The following TCF12 variants were observed in gnomAD, a reference collection of about 807,000 sequenced individuals.
The protein encoded by TCF12 is DNA-binding protein HTF4.
A neutral mutation model predicts 86.0 loss-of-function variants in TCF12; 45 were observed. The ratio of observed to expected loss-of-function variants is 0.52; its 90% CI spans 0.41 to 0.67. The LOEUF (loss-of-function observed/expected upper bound fraction) is 0.67. Ranked by LOEUF, TCF12 falls within the 30% of genes least tolerant of loss-of-function variation. The probability of loss-of-function intolerance (pLI) is 0.00; values close to 1 mark genes in which losing one functional copy is unlikely to be tolerated. For missense variants in TCF12, 881 were observed against 859.9 expected, an observed-to-expected ratio of 1.02 and a Z score of -0.31; for synonymous variants, 330 against 299.6, an observed-to-expected ratio of 1.10 and a Z score of -1.05.
chr15:57,023,377 A>C (rs1238239081), intron 3 of TCF12, among the ~76,000 whole-genome samples: 1 of 151,808 alleles, frequency 6.6e-6, no homozygotes, highest in East Asian at 1.9e-4. Context: ...GGACATTGAA[A>C]CTCTCTTTAC....
chr15:57,247,318 T>A lies in TCF12; in HGVS notation c.1114+3768T>A, dbSNP rs1230617993. Reference sequence around the variant, plus strand: ...CACCACCTTCACCACCATAGCCTCCTCTTCCATCAGAGTTTCCACCACAGC... The same window carrying A: ...CACCACCTTCACCACCATAGCCTCCACTTCCATCAGAGTTTCCACCACAGC... On this transcript the variant is annotated intron_variant, in intron 13 of 20. Coordinates refer to ENST00000333725, the MANE Select transcript of TCF12 (RefSeq NM_207037.2). 5.3e-5 allele frequency: 35 copies of A among 656,284 alleles called. No homozygotes were observed. The African/African-American group carries it at 5.3e-4, about 10-fold the overall frequency. 40.7% of individuals were successfully genotyped at this position (656,284 alleles called of 1,614,324 possible). A position where few individuals can be genotyped will look rare whatever the true frequency, so the allele number is the denominator to read the frequency against.
At chr15:56,921,636 T>C (rs1811357622) in intron 3 of TCF12, among the ~76,000 whole-genome samples, 3 of 152,020 alleles carry the variant, frequency 2.0e-5, no homozygotes, top group Admixed American at 2.0e-4. Context: ...TTATTTAATT[T>C]AAATTTATTT....
At chr15:56,971,041 C>T (rs1255375034) in intron 3 of TCF12, among the ~76,000 whole-genome samples, 1 of 152,118 alleles carries the variant, frequency 6.6e-6, no homozygotes, top group African/African-American at 2.4e-5. Context: ...GAGTTAGACC[C>T]TGTCTCAAAA....
At chr15:56,971,580 T>C (rs913497269) in intron 3 of TCF12, among the ~76,000 whole-genome samples, 15 of 152,046 alleles carry the variant, frequency 9.9e-5, no homozygotes, top group African/African-American at 3.4e-4. Flanking sequence ...ATGCAGTTAG[T>C]TGGGGGGCTT....
intron 3 of TCF12, among the ~76,000 whole-genome samples, chr15:56,976,916 G>A (rs545573441): frequency 1.1e-4 from 16 of 151,536 alleles, no homozygotes; most frequent in Non-Finnish European, 2.2e-4. Context: ...AAATGTGAGG[G>A]GACATATTTT....
At chr15:57,086,461 G>A (rs913827715) in intron 4 of TCF12, among the ~76,000 whole-genome samples, 1 of 151,384 alleles carries the variant, frequency 6.6e-6, no homozygotes, top group Non-Finnish European at 1.5e-5. Context: ...CTGCCAGTCT[G>A]GCTCCAAAAA....
At chr15:56,961,781 G>T (rs568284883) in intron 3 of TCF12, among the ~76,000 whole-genome samples, 1 of 152,232 alleles carries the variant, frequency 6.6e-6, no homozygotes, top group South Asian at 2.1e-4. Flanking sequence ...TTAGTTTGTT[G>T]TATAAATGTT....
chr15:57,188,621 G>T (rs898059971), intron 6 of TCF12, among the ~76,000 whole-genome samples: 47 of 152,130 alleles, frequency 3.1e-4, no homozygotes, highest in Admixed American at 2.6e-4. Context: ...AGAATTTGGA[G>T]TCCAGAAGTA....
At chr15:56,955,934 T>C (rs2061489290) in intron 3 of TCF12, among the ~76,000 whole-genome samples, 1 of 152,200 alleles carries the variant, frequency 6.6e-6, no homozygotes, top group South Asian at 2.1e-4. Flanking sequence ...CATTAATGCT[T>C]AGTAGTATTA....
intron 4 of TCF12, among the ~76,000 whole-genome samples, chr15:57,084,111 C>G (rs1464879024): frequency 6.6e-6 from 1 of 151,840 alleles, no homozygotes; most frequent in East Asian, 1.9e-4. Flanking sequence ...TTATATTGTA[C>G]CTTATGTTTG....
intron 12 of TCF12, among the ~76,000 whole-genome samples, chr15:57,235,797 T>G (rs1438236543): frequency 6.6e-6 from 1 of 152,094 alleles, no homozygotes; most frequent in Admixed American, 6.6e-5. Flanking sequence ...TTCTCAAAGG[T>G]CATTTGTTTG....
chr15:56,935,011 A>G (rs1317633119), intron 3 of TCF12, among the ~76,000 whole-genome samples: 1 of 152,182 alleles, frequency 6.6e-6, no homozygotes, highest in Admixed American at 6.5e-5. Context: ...CTTAAATTGC[A>G]ACGATGAGAA....
intron 20 of TCF12, among the ~76,000 whole-genome samples, chr15:57,283,119 C>G (rs1415796981): frequency 6.6e-6 from 1 of 152,180 alleles, no homozygotes; most frequent in Non-Finnish European, 1.5e-5. Flanking sequence ...AGTTAACACC[C>G]TCTAGAATCT....
intron 3 of TCF12, among the ~76,000 whole-genome samples, chr15:56,947,683 C>G (rs2061071143): frequency 6.6e-6 from 1 of 152,158 alleles, no homozygotes; most frequent in African/African-American, 2.4e-5. Flanking sequence ...GTCCCAATTA[C>G]TGCATCATGG....
intron 6 of TCF12, among the ~76,000 whole-genome samples, chr15:57,171,028 A>G (rs974831160): frequency 1.3e-5 from 2 of 150,400 alleles, no homozygotes; most frequent in Non-Finnish European, 2.9e-5. Flanking sequence ...TCCTCTGTGT[A>G]TGCCAACTCC....
intron 3 of TCF12, among the ~76,000 whole-genome samples, chr15:56,927,299 A>G (rs887260168): frequency 1.3e-5 from 2 of 152,258 alleles, no homozygotes; most frequent in Admixed American, 6.5e-5. Context: ...AAGTTAATAC[A>G]TAGTCATAAT....
chr15:57,232,339 G>C lies in TCF12; in HGVS notation c.734G>C (p.Ser245Thr). Residue 245 changes from serine to threonine, a missense_variant, in exon 10 of 21, where the codon AGC (serine) becomes ACC (threonine). By Grantham distance (58) the Ser-to-Thr change is moderately conservative (BLOSUM62 1). This residue lies in a region of TCF12 where 766 missense variants were observed against 718.9 expected (regional missense o/e 1.07). Coordinates refer to ENST00000333725, the MANE Select transcript of TCF12 (RefSeq NM_207037.2). Reference sequence around the variant, plus strand: ...CTTTGGAGTTCATCAAATGGGATGAGCCAGCCTGGTTTTGGTGGAATTCTG... The same window carrying C: ...CTTTGGAGTTCATCAAATGGGATGACCCAGCCTGGTTTTGGTGGAATTCTG... The part of the protein sequence containing the change: ...SDLWSSSNGM[S>T]QPGFGGILGT... 6.2e-7 allele frequency: 1 copy of C among 1,614,024 alleles called. No individual in the cohort carries two copies. The highest frequency in any genetic ancestry group is 8.5e-7 in the Non-Finnish European group (1 of 1,179,916).
In TCF12 at chr15:57,071,162, G is replaced by T. The variant is rs538420398; in HGVS notation, c.222+7339G>T. ...TGGCTCACACCTGTAAACCCAGTAC[G>T]TTGGGAGGCTAAAATGGGAGGATTG... On this transcript the variant is annotated intron_variant, in intron 4 of 20. Transcript: ENST00000333725. Among the ~76,000 whole-genome samples the T allele has an allele frequency of 2.0e-5, 3 of 151,776 alleles. No individual in the cohort carries two copies. The South Asian group carries it at 6.2e-4, about 32-fold the overall frequency.
chr15:57,238,172 T>C (rs1467094818), intron 12 of TCF12, among the ~76,000 whole-genome samples: 1 of 152,204 alleles, frequency 6.6e-6, no homozygotes, highest in Non-Finnish European at 1.5e-5. Context: ...ATACTTGATA[T>C]GTTTTTGGTG....
Sources: allele counts gnomAD v4.1 joint callset (sites outside exome capture counted in the v4.1 genomes callset), GRCh38; gene constraint gnomAD v4.1.1; regional missense constraint gnomAD v4.1.1; transcripts MANE v1.5; gene names NCBI Gene and HGNC (gene_info 2026-07-23, HGNC 2026-07-21).